PDE11A: variants seen among roughly 807,000 people sequenced by gnomAD.
PDE11A encodes phosphodiesterase 11A.
In PDE11A, 100 loss-of-function variants were observed where a neutral mutation model predicts 100.5. That is an observed-to-expected ratio of 1.00 (90% CI 0.85 to 1.18). The LOEUF (loss-of-function observed/expected upper bound fraction) is 1.18. Ranked by LOEUF, PDE11A falls within the 50% of genes most tolerant of loss-of-function variation. The probability of loss-of-function intolerance (pLI) is 0.00; values close to 1 mark genes in which losing one functional copy is unlikely to be tolerated. For missense variants in PDE11A, 1,141 were observed against 1,152.6 expected (o/e 0.99, Z 0.15); for synonymous variants, 381 against 420.8 (o/e 0.91, Z 1.16).
At chr2:177,848,103 G>A (rs1313390568) in intron 5 of PDE11A, among the ~76,000 whole-genome samples, 1 of 152,104 alleles carries the variant, frequency 6.6e-6, no homozygotes, top group Non-Finnish European at 1.5e-5. Flanking sequence ...ACTAATGGTT[G>A]ATTGAGAAAC....
In PDE11A at chr2:177,628,056, A is replaced by G. The variant is rs561857482; in HGVS notation, c.*1351T>C. Reference sequence around the variant, plus strand: ...TGTCCAAACCCTGCTTATAATTCACATAGGAATTCAGCTTTTTGACGTTTT... The same window carrying G: ...TGTCCAAACCCTGCTTATAATTCACGTAGGAATTCAGCTTTTTGACGTTTT... On this transcript the variant is annotated 3_prime_UTR_variant, in exon 20 of 20. Transcript: ENST00000286063. 3 of 152,226 alleles carry G rather than the reference A, an allele frequency of 2.0e-5. No homozygotes were observed. The highest frequency in any genetic ancestry group is 2.9e-5 in the Non-Finnish European group (2 of 68,028). 9.4% of individuals were successfully genotyped at this position (152,226 alleles called of 1,614,324 possible).
rs572911133 is a variant in PDE11A at position 177,911,772 on chromosome 2, T to C, written c.1072-6585A>G. ...GGTGGTGTGCACCTGTAGTCCCAGC[T>C]ACTCAGGAGGCTGAGGTAGGAGAAT... On this transcript the variant is annotated intron_variant, in intron 2 of 19. Transcript: ENST00000286063. Among the ~76,000 whole-genome samples the C allele has an allele frequency of 2.6e-5, 4 of 151,940 alleles. No homozygotes were observed. In the East Asian group the frequency reaches 7.8e-4, roughly 30 times the overall value.
chr2:177,861,765 A>AT (rs901443787), intron 5 of PDE11A, among the ~76,000 whole-genome samples: 28 of 152,028 alleles, frequency 1.8e-4, no homozygotes, highest in African/African-American at 5.5e-4. Flanking sequence ...ATAAACCTAT[A>AT]TATCTATGGT....
intron 2 of PDE11A, among the ~76,000 whole-genome samples, chr2:178,084,768 A>G (rs2087328595): frequency 2.0e-5 from 3 of 150,544 alleles, no homozygotes; most frequent in African/African-American, 7.3e-5. Flanking sequence ...TTTTTTTGCA[A>G]TTATTTACTA....
At chr2:177,667,267 G>A (rs987851643) in intron 18 of PDE11A, among the ~76,000 whole-genome samples, 2 of 152,024 alleles carry the variant, frequency 1.3e-5, no homozygotes, top group African/African-American at 2.4e-5. Context: ...CAACATCTCT[G>A]GGTCATTTTG....
At chr2:177,747,493 C>T (rs2081965666) in intron 10 of PDE11A, among the ~76,000 whole-genome samples, 1 of 152,170 alleles carries the variant, frequency 6.6e-6, no homozygotes, top group South Asian at 2.1e-4. Context: ...AGCATCTGGG[C>T]CAAGTCCAAA....
intron 15 of PDE11A, among the ~76,000 whole-genome samples, chr2:177,688,937 A>C (rs2080999378): frequency 6.6e-6 from 1 of 152,204 alleles, no homozygotes; most frequent in Admixed American, 6.5e-5. Context: ...TTTTTTGCAA[A>C]TTTATGTATC....
intron 2 of PDE11A, among the ~76,000 whole-genome samples, chr2:178,003,136 G>A (rs76182723): frequency 0.018 from 2,703 of 152,164 alleles, 66 homozygotes; most frequent in African/African-American, 0.059. Flanking sequence ...AAAACAGTCT[G>A]GTAGTTCCTC....
chr2:178,071,591 C>A lies in PDE11A; in HGVS notation c.847G>T (p.Gly283Cys). 6.2e-7 allele frequency: 1 copy of A among 1,613,808 alleles called. No homozygotes were observed. Among genetic ancestry groups the A allele is most frequent in the Non-Finnish European group, 8.5e-7 (1 of 1,179,738 alleles). ...CCGACATAGCCAATGATACCTTTGC[C>A]CCAGGGGACCTGCACCTCATTTGAG... ...ENSNEVQVPW[G>C]KGIIGYVGEH... The change falls in exon 1 of 20, where the codon GGC (glycine) becomes TGC (cysteine). Residue 283 changes from glycine to cysteine, a missense_variant. Gly to Cys is a radical substitution (Grantham distance 159). Coordinates refer to ENST00000286063, the MANE Select transcript of PDE11A (RefSeq NM_016953.4).
At chr2:177,904,678 C>T (rs2084752773) in intron 3 of PDE11A, among the ~76,000 whole-genome samples, 1 of 99,240 alleles carries the variant, frequency 1.0e-5, no homozygotes, top group South Asian at 3.3e-4. Flanking sequence ...CCTCAGCCTC[C>T]CGAGTAGCTG....
rs180959335 is a variant in PDE11A at position 177,815,377 on chromosome 2, C to A, written c.1737+1452G>T. ...TTTGAAAATAGTTCTGCACACAGAC[C>A]TTAATGCTATACTAATGATTCTTAT... On this transcript the variant is annotated intron_variant, in intron 9 of 19. Coordinates refer to ENST00000286063, the MANE Select transcript of PDE11A (RefSeq NM_016953.4). Among the ~76,000 whole-genome samples the A allele has an allele frequency of 1.6e-4, 25 of 152,232 alleles. No individual in the cohort carries two copies. In the East Asian group the frequency reaches 4.8e-3, roughly 29 times the overall value.
At chr2:178,037,765 A>G (rs1044847270) in intron 1 of PDE11A, among the ~76,000 whole-genome samples, 2 of 152,144 alleles carry the variant, frequency 1.3e-5, no homozygotes, top group Admixed American at 6.6e-5. Context: ...GCAAACTAAC[A>G]CATGAACAGA....
intron 9 of PDE11A, among the ~76,000 whole-genome samples, chr2:177,780,196 C>A (rs1161836470): frequency 1.3e-5 from 2 of 152,152 alleles, no homozygotes; most frequent in Non-Finnish European, 2.9e-5. Context: ...GTGTTGTCAT[C>A]AAGACTTTGC....
Position 177,853,852 on chromosome 2 carries a change from A to G in PDE11A, c.1368-13469T>C, listed in dbSNP as rs990472436. The stretch of plus-strand genomic sequence containing the variant: ...TGTGTATATATATCTATATATGTGT[A>G]TATATATCTATATATGTATATAGAT... On this transcript the variant is annotated intron_variant, in intron 5 of 19. Transcript: ENST00000286063. Among the ~76,000 whole-genome samples, 5 of 144,138 alleles carry G rather than the reference A, an allele frequency of 3.5e-5. No individual in the cohort carries two copies. The East Asian group carries it at 5.9e-4, about 17-fold the overall frequency. The allele number at this position is 144,138 out of a possible 152,430, so 94.6% of individuals were successfully genotyped here. A position where few individuals can be genotyped will look rare whatever the true frequency, so the allele number is the denominator to read the frequency against.
At chr2:178,082,628 AAAG>A (rs1234250930) in intron 2 of PDE11A, among the ~76,000 whole-genome samples, 4 of 152,234 alleles carry the variant, frequency 2.6e-5, no homozygotes, top group African/African-American at 9.7e-5. Context: ...AATATTTATG[AAAG>A]AAGAAACAAA....
rs192075237 is a variant in PDE11A, at chr2:177,627,794, C to T, written c.*1613G>A. 6 of 152,220 alleles carry T rather than the reference C, an allele frequency of 3.9e-5. No individual in the cohort carries two copies. Among genetic ancestry groups the T allele is most frequent in the African/African-American group, 9.6e-5 (4 of 41,508 alleles). 9.4% of individuals were successfully genotyped at this position (152,220 alleles called of 1,614,324 possible). A position where few individuals can be genotyped will look rare whatever the true frequency, so the allele number is the denominator to read the frequency against. On this transcript the variant is annotated 3_prime_UTR_variant, in exon 20 of 20. Transcript: ENST00000286063. ...CCAGGAAGCAGAGGTTGCAGTAAGC[C>T]GAGATCACGCCATTGCACTCCAGCC...
intron 2 of PDE11A, among the ~76,000 whole-genome samples, chr2:177,909,941 A>C (rs1275362882): frequency 6.6e-6 from 1 of 152,202 alleles, no homozygotes; most frequent in African/African-American, 2.4e-5. Context: ...GCCAGCTGCC[A>C]ATCAAAATCT....
chr2:178,024,728 A>G (rs1648675580), intron 1 of PDE11A, among the ~76,000 whole-genome samples: 1 of 152,256 alleles, frequency 6.6e-6, no homozygotes, highest in South Asian at 2.1e-4. Flanking sequence ...ACAAACCAAT[A>G]GATTGCCAAA....
At chr2:178,018,542 C>T in intron 1 of PDE11A, 3 of 390,004 alleles carry the variant, frequency 7.7e-6, no homozygotes, top group East Asian at 6.6e-5. Flanking sequence ...CTCTGCCATG[C>T]CATTCCACTA....
Sources: gnomAD v4.1 joint callset for allele counts (sites outside exome capture counted in the v4.1 genomes callset) on GRCh38, gnomAD v4.1.1 for gene constraint, MANE v1.5 for transcripts, NCBI Gene and HGNC (gene_info 2026-07-23, HGNC 2026-07-21) for gene names.